Variants in HEMK2 observed in about 807,000 individuals in gnomAD.
HEMK2 encodes the protein HemK methyltransferase 2, ETF1 glutamine and histone H4 lysine.
the HEMK2 span, among the ~76,000 whole-genome samples, chr21:28,783,736 G>A: frequency 2.0e-5 from 3 of 152,196 alleles, no homozygotes; most frequent in Non-Finnish European, 4.4e-5. Context: ...AGCTCCCTCT[G>A]CTTGTGGGGA....
At chr21:28,818,990 A>G in the HEMK2 span, among the ~76,000 whole-genome samples, 1 of 152,118 alleles carries the variant, frequency 6.6e-6, no homozygotes, top group Non-Finnish European at 1.5e-5. Flanking sequence ...TTTGTTTTCA[A>G]TGTTCTTCCT....
the HEMK2 span, among the ~76,000 whole-genome samples, chr21:28,576,047 G>A: frequency 6.6e-6 from 1 of 152,130 alleles, no homozygotes; most frequent in South Asian, 2.1e-4. Flanking sequence ...AAATTGTAAT[G>A]AGCATTCTTG....
chr21:28,657,952 A>G, the HEMK2 span, among the ~76,000 whole-genome samples: 4 of 152,098 alleles, frequency 2.6e-5, no homozygotes, highest in Non-Finnish European at 5.9e-5. Flanking sequence ...ATTAATTCTT[A>G]AAATACCTCA....
At chr21:28,751,748 C>T in the HEMK2 span, among the ~76,000 whole-genome samples, 263 of 152,314 alleles carry the variant, frequency 1.7e-3, 5 homozygotes, top group East Asian at 0.041. Context: ...GGCATGATCT[C>T]GGCTCACCGC....
chr21:28,882,948 T>G, the HEMK2 span: 1 of 1,316,564 alleles, frequency 7.6e-7, no homozygotes, highest in Non-Finnish European at 1.1e-6. Flanking sequence ...ATAGTTAACC[T>G]GTCAGTGGAA....
the HEMK2 span, among the ~76,000 whole-genome samples, chr21:28,734,503 A>G: frequency 6.6e-6 from 1 of 152,186 alleles, no homozygotes; most frequent in Non-Finnish European, 1.5e-5. Context: ...CTGATCATAG[A>G]AAGAAGTTTA....
chr21:28,763,095 A>G, the HEMK2 span, among the ~76,000 whole-genome samples: 31 of 152,150 alleles, frequency 2.0e-4, no homozygotes, highest in African/African-American at 7.2e-4. Context: ...AACCTGCTTC[A>G]GCCCTTTTCC....
chr21:28,862,284 G>A, the HEMK2 span, among the ~76,000 whole-genome samples: 3 of 152,268 alleles, frequency 2.0e-5, no homozygotes, highest in East Asian at 5.8e-4. Context: ...ACTCCACTAG[G>A]AAAAAAACCA....
At chr21:28,770,034 G>A in the HEMK2 span, among the ~76,000 whole-genome samples, 1 of 152,258 alleles carries the variant, frequency 6.6e-6, no homozygotes, top group African/African-American at 2.4e-5. Context: ...GGCAATAGTA[G>A]TTACTGTCTG....
chr21:28,642,169 A>C, the HEMK2 span, among the ~76,000 whole-genome samples: 1 of 152,160 alleles, frequency 6.6e-6, no homozygotes, highest in African/African-American at 2.4e-5. Flanking sequence ...TGTTGAAACA[A>C]CCCCAAAATT....
At chr21:28,693,173 A>T in the HEMK2 span, among the ~76,000 whole-genome samples, 1 of 152,170 alleles carries the variant, frequency 6.6e-6, no homozygotes. Context: ...TCCAGTAAAA[A>T]CTTTTAAAAT....
chr21:28,644,592 G>A, the HEMK2 span, among the ~76,000 whole-genome samples: 58 of 152,282 alleles, frequency 3.8e-4, no homozygotes, highest in African/African-American at 1.3e-3. Context: ...TCTTCACTCT[G>A]CTGGATCAAA....
chr21:28,592,638 G>C, the HEMK2 span, among the ~76,000 whole-genome samples: 1 of 152,104 alleles, frequency 6.6e-6, no homozygotes, highest in Non-Finnish European at 1.5e-5. Flanking sequence ...TTATCCCTAG[G>C]GGACTCATTT....
the HEMK2 span, among the ~76,000 whole-genome samples, chr21:28,636,628 G>A: frequency 6.6e-6 from 1 of 152,272 alleles, no homozygotes; most frequent in East Asian, 1.9e-4. Flanking sequence ...CAAGTTCAGA[G>A]AGACTCAGGC....
At chr21:28,826,398 T>C in the HEMK2 span, among the ~76,000 whole-genome samples, 8 of 152,302 alleles carry the variant, frequency 5.3e-5, no homozygotes, top group South Asian at 2.1e-4. Context: ...CTAAAGGACA[T>C]TTAAATCTGG....
the HEMK2 span, among the ~76,000 whole-genome samples, chr21:28,640,095 A>G: frequency 6.6e-6 from 1 of 152,254 alleles, no homozygotes; most frequent in South Asian, 2.1e-4. Context: ...TCTCTGGCAC[A>G]TGGAAAATAA....
At chr21:28,841,000 T>A in the HEMK2 span, among the ~76,000 whole-genome samples, 3 of 112,202 alleles carry the variant, frequency 2.7e-5, no homozygotes, top group African/African-American at 6.7e-5. Flanking sequence ...GATACATATA[T>A]ATATTATATA....
the HEMK2 span, among the ~76,000 whole-genome samples, chr21:28,647,880 TTG>T: frequency 3.9e-5 from 6 of 152,216 alleles, no homozygotes; most frequent in Admixed American, 3.9e-4. Flanking sequence ...GAGGGAGTGA[TTG>T]TAACAGAAAG....
At chr21:28,825,375 G>A in the HEMK2 span, among the ~76,000 whole-genome samples, 1,981 of 152,296 alleles carry the variant, frequency 0.013, 49 homozygotes, top group African/African-American at 0.045. Context: ...CACTGCTCTA[G>A]GTGCTAGTCT....
Sources: allele counts gnomAD v4.1 joint callset (sites outside exome capture counted in the v4.1 genomes callset), GRCh38; gene constraint gnomAD v4.1.1; transcripts MANE v1.5; gene names NCBI Gene and HGNC (gene_info 2026-07-23, HGNC 2026-07-21).